Variants in GRIP1 observed in about 807,000 individuals in gnomAD.
GRIP1 encodes glutamate receptor interacting protein 1.
GRIP1 carries 45 observed loss-of-function variants against 129.9 expected under a neutral mutation model. That is an observed-to-expected ratio of 0.35 (90% CI 0.27 to 0.44). The LOEUF (loss-of-function observed/expected upper bound fraction) is 0.44. Ranked by LOEUF, GRIP1 falls within the 20% of genes least tolerant of loss-of-function variation. GRIP1 has a pLI of 1.00. For missense variants in GRIP1, 1,196 were observed against 1,396.8 expected (o/e 0.86, Z 2.29); for synonymous variants, 530 against 520.8 (o/e 1.02, Z -0.24).
intron 2 of GRIP1, among the ~76,000 whole-genome samples, chr12:66,573,448 G>A (rs1009304146): frequency 2.0e-5 from 3 of 152,170 alleles, no homozygotes; most frequent in Non-Finnish European, 2.9e-5. Context: ...TTGTTACATG[G>A]TGATAGATAA....
At chr12:66,608,624 G>A (rs1022302120) in intron 1 of GRIP1, among the ~76,000 whole-genome samples, 1 of 152,148 alleles carries the variant, frequency 6.6e-6, no homozygotes, top group African/African-American at 2.4e-5. Context: ...AAGCCACCAT[G>A]CCCAGCCCAG....
chr12:66,895,450 T>C (rs1201139465), intron 1 of GRIP1, among the ~76,000 whole-genome samples: 2 of 152,136 alleles, frequency 1.3e-5, no homozygotes, highest in African/African-American at 4.8e-5. Flanking sequence ...CTAAATCTCT[T>C]TTTCTTTATA....
intron 1 of GRIP1, among the ~76,000 whole-genome samples, chr12:66,868,143 G>C (rs1410586685): frequency 1.3e-5 from 2 of 152,054 alleles, no homozygotes; most frequent in Admixed American, 1.3e-4. Flanking sequence ...AAAGAAGCTG[G>C]TAAAATACAG....
intron 1 of GRIP1, among the ~76,000 whole-genome samples, chr12:66,957,215 T>C (rs1022841655): frequency 3.3e-5 from 5 of 152,062 alleles, no homozygotes; most frequent in African/African-American, 1.2e-4. Context: ...AGAAGATACA[T>C]GAAGACACAA....
intron 1 of GRIP1, among the ~76,000 whole-genome samples, chr12:66,980,262 A>C (rs1016409790): frequency 4.6e-5 from 7 of 152,354 alleles, no homozygotes; most frequent in African/African-American, 1.7e-4. Flanking sequence ...CACTTCAAAC[A>C]GCAATGACAG....
chr12:66,466,377 G>A (rs2059286683), intron 7 of GRIP1, among the ~76,000 whole-genome samples: 1 of 152,142 alleles, frequency 6.6e-6, no homozygotes, highest in Non-Finnish European at 1.5e-5. Context: ...GCACATCAGA[G>A]GTATGCCACT....
At chr12:66,750,067 G>T (rs966446076) in intron 1 of GRIP1, among the ~76,000 whole-genome samples, 4 of 152,124 alleles carry the variant, frequency 2.6e-5, no homozygotes, top group Non-Finnish European at 5.9e-5. Context: ...ATGTGTATAT[G>T]TCTACAGTGT....
Position 66,638,972 on chromosome 12 carries a change from G to A in GRIP1, c.55+39878C>T, listed in dbSNP as rs190158274. ...GTGAAATGGGGATTAGTTTGGCTACGAGGATTAAACAATATAATGTATTAG... is the reference window on the plus strand; with the variant it reads ...GTGAAATGGGGATTAGTTTGGCTACAAGGATTAAACAATATAATGTATTAG... On this transcript the variant is annotated intron_variant, in intron 1 of 24. Coordinates refer to ENST00000359742, the MANE Select transcript of GRIP1 (RefSeq NM_001366722.1). Among the ~76,000 whole-genome samples the A allele has an allele frequency of 2.4e-3, 368 of 152,256 alleles. 2 individuals are homozygous for A. The highest frequency in any genetic ancestry group is 8.4e-3 in the African/African-American group (348 of 41,544).
intron 1 of GRIP1, among the ~76,000 whole-genome samples, chr12:66,730,967 T>A (rs576235986): frequency 6.6e-5 from 10 of 152,286 alleles, no homozygotes; most frequent in African/African-American, 2.2e-4. Context: ...GTGGAAAGCA[T>A]AATTATTAAC....
chr12:66,817,970 T>C (rs1362898717), intron 1 of GRIP1, among the ~76,000 whole-genome samples: 1 of 152,206 alleles, frequency 6.6e-6, no homozygotes, highest in East Asian at 1.9e-4. Context: ...ATCTGAAATG[T>C]AGTTGGAAAA....
In GRIP1 at chr12:66,803,993, A is replaced by G. The variant is rs1592861277; in HGVS notation, c.-420+60T>C. The stretch of plus-strand genomic sequence containing the variant: ...TGCATTTAAGATTAAGGCTCCACAC[A>G]AGGTTTATTGTTAGCCCCAGCATGC... On this transcript the variant is annotated intron_variant, in intron 1 of 4. Coordinates refer to the GRIP1 transcript ENST00000538373. The G allele has an allele frequency of 1.0e-5, 4 of 396,704 alleles. No homozygotes were observed. In the East Asian group the frequency reaches 2.9e-4, roughly 29 times the overall value. The allele number at this position is 396,704 out of a possible 1,614,324, so 24.6% of individuals were successfully genotyped here. A position where few individuals can be genotyped will look rare whatever the true frequency, so the allele number is the denominator to read the frequency against.
intron 23 of GRIP1, among the ~76,000 whole-genome samples, chr12:66,368,822 C>G (rs915661745): frequency 1.1e-4 from 17 of 152,310 alleles, no homozygotes; most frequent in African/African-American, 4.1e-4. Context: ...AATTACCACT[C>G]TTTGCTCTAA....
chr12:66,498,013 G>C (rs57688886), intron 7 of GRIP1, among the ~76,000 whole-genome samples: 1 of 151,830 alleles, frequency 6.6e-6, no homozygotes, highest in African/African-American at 2.4e-5. Context: ...ACCCCCACTG[G>C]GCACCTTGCG....
At chr12:66,505,030 C>T (rs2060491226) in intron 7 of GRIP1, among the ~76,000 whole-genome samples, 1 of 152,112 alleles carries the variant, frequency 6.6e-6, no homozygotes, top group Admixed American at 6.6e-5. Flanking sequence ...ATTTATCCCC[C>T]AAAGATTCCA....
At chr12:66,911,852 G>A (rs1182428682) in intron 1 of GRIP1, among the ~76,000 whole-genome samples, 1 of 152,148 alleles carries the variant, frequency 6.6e-6, no homozygotes, top group Non-Finnish European at 1.5e-5. Flanking sequence ...AGCAACACTG[G>A]AGTGAACACA....
At chr12:66,781,953 G>A (rs117582003) in intron 1 of GRIP1, among the ~76,000 whole-genome samples, 3,918 of 152,194 alleles carry the variant, frequency 0.026, 60 homozygotes, top group South Asian at 0.037. Context: ...ACTACTAACC[G>A]TATGATGATT....
chr12:66,603,197 CCAAA>C (rs1400638275), intron 1 of GRIP1, among the ~76,000 whole-genome samples: 2 of 151,412 alleles, frequency 1.3e-5, no homozygotes, highest in Non-Finnish European at 2.9e-5. Context: ...AAAAAAACAC[CCAAA>C]CAGAGCACAA....
At chr12:66,406,149 AAG>A in intron 16 of GRIP1, 132 bp downstream of exon 16, 1 of 782,238 alleles carries the variant, frequency 1.3e-6, no homozygotes, top group Non-Finnish European at 2.1e-6. Flanking sequence ...ACAAAATTTA[AAG>A]ACTCTTTTAG....
chr12:66,433,808 G>C (rs961733700), intron 13 of GRIP1, among the ~76,000 whole-genome samples: 9 of 152,194 alleles, frequency 5.9e-5, no homozygotes, highest in African/African-American at 2.2e-4. Flanking sequence ...ATAAGCAGAG[G>C]ATTGTGGGAT....
Sources: allele counts gnomAD v4.1 joint callset (sites outside exome capture counted in the v4.1 genomes callset), GRCh38; gene constraint gnomAD v4.1.1; transcripts MANE v1.5; gene names NCBI Gene and HGNC (gene_info 2026-07-23, HGNC 2026-07-21).